CHODL: variants seen among roughly 807,000 people sequenced by gnomAD.
CHODL encodes chondrolectin.
A neutral mutation model predicts 34.5 loss-of-function variants in CHODL; 29 were observed. The ratio of observed to expected loss-of-function variants is 0.84; its 90% confidence interval spans 0.63 to 1.15. CHODL has a LOEUF of 1.15. Among genes scored for constraint, CHODL ranks in the 50% most tolerant of loss-of-function variants. The pLI, the probability that CHODL is intolerant of heterozygous loss-of-function variation, is 0.00. For missense variants in CHODL, 332 were observed against 332.5 expected (o/e 1.00, Z 0.01); for synonymous variants, 125 against 116.1 (o/e 1.08, Z -0.49).
At chr21:17,924,122 G>A (rs2063205517) in intron 1 of CHODL, among the ~76,000 whole-genome samples, 2 of 152,176 alleles carry the variant, frequency 1.3e-5, no homozygotes, top group Non-Finnish European at 1.5e-5. Context: ...GCCTCTGCCC[G>A]GTAGCACCAT....
In CHODL at chr21:18,161,360, C is replaced by T. The variant is rs1348922016; in HGVS notation, c.-44-95149C>T. Reference sequence around the variant, plus strand: ...GTAAAGGGAAAGACATGTTTTCATACATTTATACATGTTCTTTCATAAACA... The same window carrying T: ...GTAAAGGGAAAGACATGTTTTCATATATTTATACATGTTCTTTCATAAACA... On this transcript the variant is annotated intron_variant, in intron 2 of 6. Transcript: ENST00000400127. Among the ~76,000 whole-genome samples the T allele has an allele frequency of 3.3e-5, 5 of 152,152 alleles. 1 individual carries two copies. Among genetic ancestry groups the T allele is most frequent in the African/African-American group, 9.7e-5 (4 of 41,428 alleles).
intron 4 of CHODL, among the ~76,000 whole-genome samples, 181 bp downstream of exon 4, chr21:18,260,467 A>T (rs2074367201): frequency 6.6e-6 from 1 of 152,226 alleles, no homozygotes; most frequent in African/African-American, 2.4e-5. Flanking sequence ...TTTGAATAGA[A>T]AAACCTGTTT....
intron 1 of CHODL, among the ~76,000 whole-genome samples, chr21:17,950,114 C>T (rs2063443949): frequency 6.6e-6 from 1 of 151,994 alleles, no homozygotes; most frequent in South Asian, 2.1e-4. Flanking sequence ...TAATTTTAAA[C>T]AACAATATTG....
At chr21:18,255,410 A>T (rs972547941) in intron 1 of CHODL, among the ~76,000 whole-genome samples, 2 of 152,136 alleles carry the variant, frequency 1.3e-5, no homozygotes, top group African/African-American at 4.8e-5. Context: ...GTTAAATTAG[A>T]GGAAGACATT....
intron 2 of CHODL, among the ~76,000 whole-genome samples, chr21:18,092,691 C>T (rs1375476388): frequency 6.6e-6 from 1 of 152,150 alleles, no homozygotes; most frequent in Non-Finnish European, 1.5e-5. Context: ...CCCAAGAAGG[C>T]ATGCCTTTTA....
At chr21:18,074,191 C>T (rs2064837981) in intron 2 of CHODL, among the ~76,000 whole-genome samples, 1 of 152,122 alleles carries the variant, frequency 6.6e-6, no homozygotes, top group Non-Finnish European at 1.5e-5. Flanking sequence ...GAAAAGATCT[C>T]ATTTTGCCTG....
intron 1 of CHODL, among the ~76,000 whole-genome samples, chr21:18,021,762 C>T (rs957180624): frequency 2.8e-5 from 2 of 71,206 alleles, no homozygotes; most frequent in Non-Finnish European, 5.4e-5. Context: ...AACATAAAAA[C>T]AGCCCTTCAT....
At position 17,970,664 on chromosome 21, in the gene CHODL, G is replaced by C. The variant is rs150875661; in HGVS notation, c.-145+53264G>C. Reference sequence around the variant, plus strand: ...TTTGGTTGCATGAATAAGTCCTTTAGTGGTGATTTCTGAGATTTTGCTACA... The same window carrying C: ...TTTGGTTGCATGAATAAGTCCTTTACTGGTGATTTCTGAGATTTTGCTACA... On this transcript the variant is annotated intron_variant, in intron 1 of 6. Coordinates refer to the CHODL transcript ENST00000400127. Among the ~76,000 whole-genome samples, 437 of 152,014 alleles carry C rather than the reference G, an allele frequency of 2.9e-3. 4 individuals are homozygous for C. Among genetic ancestry groups the C allele is most frequent in the African/African-American group, 0.01 (429 of 41,480 alleles).
At chr21:18,100,072 T>A (rs2065193890) in intron 2 of CHODL, 1 of 151,484 alleles carries the variant, frequency 6.6e-6, no homozygotes, top group African/African-American at 2.4e-5. Context: ...AATTAAACAA[T>A]CCACGACAAA....
rs150011946 is a variant in CHODL, at chr21:17,933,763, G to A, written c.-145+16363G>A. On this transcript the variant is annotated intron_variant, in intron 1 of 6. Coordinates refer to the CHODL transcript ENST00000400127. ...AACATACAGAAAGAAATAGTAGGCC[G>A]GGCGTGGTGGCTCACACCTGTAACC... Among the ~76,000 whole-genome samples, 191 of 152,164 alleles carry A rather than the reference G, an allele frequency of 1.3e-3. 5 individuals are homozygous for A. In the East Asian group the frequency reaches 0.031, roughly 25 times the overall value.
intron 2 of CHODL, among the ~76,000 whole-genome samples, chr21:18,056,850 A>G (rs2064588686): frequency 6.6e-6 from 1 of 151,908 alleles, no homozygotes; most frequent in East Asian, 1.9e-4. Context: ...TCTCCTCCCC[A>G]TGGTTTTTTC....
At chr21:18,146,930 C>A (rs113260370) in intron 2 of CHODL, among the ~76,000 whole-genome samples, 321 of 152,256 alleles carry the variant, frequency 2.1e-3, no homozygotes, top group Non-Finnish European at 4.2e-3. Flanking sequence ...TCTCTCATTG[C>A]TACTGTGTTG....
chr21:18,074,923 C>G (rs547343112), intron 2 of CHODL, among the ~76,000 whole-genome samples: 418 of 152,132 alleles, frequency 2.7e-3, no homozygotes, highest in Non-Finnish European at 5.0e-3. Context: ...CCAGATGTAA[C>G]GAAGGATGTC....
chr21:18,228,601 T>A (rs1286888413), intron 2 of CHODL, among the ~76,000 whole-genome samples: 1 of 152,168 alleles, frequency 6.6e-6, no homozygotes, highest in Non-Finnish European at 1.5e-5. Context: ...AAGATGCTCT[T>A]GGGCCAGCCT....
intron 2 of CHODL, among the ~76,000 whole-genome samples, chr21:18,173,984 G>A (rs2073262112): frequency 6.7e-6 from 1 of 149,970 alleles, no homozygotes. Flanking sequence ...TTTTAAAAAC[G>A]AGTTTCTAAA....
At chr21:18,226,150 A>G (rs866414036) in intron 2 of CHODL, among the ~76,000 whole-genome samples, 18 of 152,156 alleles carry the variant, frequency 1.2e-4, no homozygotes, top group African/African-American at 4.3e-4. Context: ...ATGGCTACCA[A>G]CTTTGAGAAA....
At chr21:17,950,535 CTT>C (rs57653177) in intron 1 of CHODL, among the ~76,000 whole-genome samples, 52,833 of 138,778 alleles carry the variant, frequency 0.38, 9,314 homozygotes, top group East Asian at 0.57. Flanking sequence ...CACACACACA[CTT>C]CTTTAAAGCC....
intron 4 of CHODL, among the ~76,000 whole-genome samples, chr21:18,261,008 G>A (rs1020640205): frequency 5.9e-5 from 9 of 152,160 alleles, no homozygotes; most frequent in African/African-American, 2.2e-4. Flanking sequence ...ATTGCTTGAA[G>A]TCAAACAGGA....
At chr21:18,221,485 G>A (rs1304588813) in intron 2 of CHODL, among the ~76,000 whole-genome samples, 1 of 152,048 alleles carries the variant, frequency 6.6e-6, no homozygotes, top group Non-Finnish European at 1.5e-5. Context: ...ATGTTGATAT[G>A]TGCACATCTT....
Sources: allele counts gnomAD v4.1 joint callset (sites outside exome capture counted in the v4.1 genomes callset), GRCh38; gene constraint gnomAD v4.1.1; transcripts MANE v1.5; gene names NCBI Gene and HGNC (gene_info 2026-07-23, HGNC 2026-07-21).